The following TLL1 variants were observed in gnomAD, a reference collection of about 807,000 sequenced individuals.
The protein encoded by TLL1 is tolloid-like protein 1.
A neutral mutation model predicts 128.2 loss-of-function variants in TLL1; 49 were observed. The observed-to-expected ratio is 0.38, with a 90% CI of 0.30 to 0.48. TLL1 has a LOEUF of 0.48. TLL1 is among the 20% of genes least tolerant of loss of function. The probability of loss-of-function intolerance (pLI) is 0.96; values close to 1 mark genes in which losing one functional copy is unlikely to be tolerated. For synonymous variants in TLL1, 454 were observed against 418.8 expected, an observed-to-expected ratio of 1.08 and a Z score of -1.03; for missense variants, 1,123 against 1,242.0, an observed-to-expected ratio of 0.90 and a Z score of 1.44.
intron 1 of TLL1, among the ~76,000 whole-genome samples, chr4:165,903,978 T>C (rs1459404941): frequency 6.6e-6 from 1 of 152,162 alleles, no homozygotes; most frequent in Non-Finnish European, 1.5e-5. Context: ...AAATCTCATT[T>C]AGTCTTTTTA....
intron 1 of TLL1, among the ~76,000 whole-genome samples, chr4:165,877,190 A>C (rs893821289): frequency 6.6e-6 from 1 of 152,228 alleles, no homozygotes; most frequent in Non-Finnish European, 1.5e-5. Context: ...AGTTCATGAA[A>C]CTATAGGGTA....
intron 7 of TLL1, among the ~76,000 whole-genome samples, chr4:166,009,857 A>AATTTGGCATCAAATTGTATG (rs1483236955): frequency 6.6e-6 from 1 of 151,330 alleles, no homozygotes; most frequent in Non-Finnish European, 1.5e-5. Flanking sequence ...TACTGTCCTA[A>AATTTGGCATCAAATTGTATG]CCATTTTAGG....
chr4:166,038,198 C>T (rs1739084467), intron 9 of TLL1, among the ~76,000 whole-genome samples: 1 of 151,854 alleles, frequency 6.6e-6, no homozygotes, highest in African/African-American at 2.4e-5. Context: ...TTTTATTTTC[C>T]TTCTTTCTTT....
intron 14 of TLL1, among the ~76,000 whole-genome samples, chr4:166,057,630 T>G (rs1740087846): frequency 6.6e-6 from 1 of 152,108 alleles, no homozygotes; most frequent in African/African-American, 2.4e-5. Flanking sequence ...GACTGGGTAA[T>G]TTGTAATAGA....
intron 1 of TLL1, among the ~76,000 whole-genome samples, chr4:165,974,734 C>T (rs971846110): frequency 2.0e-5 from 3 of 152,116 alleles, no homozygotes; most frequent in African/African-American, 4.8e-5. Flanking sequence ...TATATTATAT[C>T]CCAGAGGCTA....
chr4:165,948,135 C>T (rs1034572876), intron 1 of TLL1, among the ~76,000 whole-genome samples: 6 of 152,104 alleles, frequency 3.9e-5, no homozygotes, highest in African/African-American at 7.2e-5. Flanking sequence ...CTGACCTGTA[C>T]GTGGATACTG....
Position 166,034,282 on chromosome 4 carries a change from A to T in TLL1, c.1159-5057A>T, listed in dbSNP as rs906251350. Among the ~76,000 whole-genome samples the T allele has an allele frequency of 2.6e-5, 4 of 152,174 alleles. No individual in the cohort carries two copies. The East Asian group carries it at 5.8e-4, about 22-fold the overall frequency. ...TAGCATTCAATAAAGATTTTGAGCG[A>T]TATGAAGAATTTCAAGGAACAAGGA... On this transcript the variant is annotated intron_variant, in intron 9 of 20. Transcript: ENST00000061240.
At chr4:165,923,490 A>G (rs1733138594) in intron 1 of TLL1, among the ~76,000 whole-genome samples, 1 of 118,504 alleles carries the variant, frequency 8.4e-6, no homozygotes, top group Admixed American at 1.2e-4. Context: ...GTGCAGTGGT[A>G]CGATCTCGGC....
intron 9 of TLL1, chr4:166,031,034 A>G (rs1299773719): frequency 1.1e-6 from 1 of 897,776 alleles, no homozygotes; most frequent in African/African-American, 1.8e-5. Context: ...AGCACTAAAA[A>G]TTTAATAAGT....
intron 9 of TLL1, among the ~76,000 whole-genome samples, chr4:166,025,855 A>G (rs1349594327): frequency 1.3e-5 from 2 of 152,184 alleles, no homozygotes; most frequent in Non-Finnish European, 2.9e-5. Flanking sequence ...ATGCAAATAG[A>G]GTAGTACTTA....
intron 1 of TLL1, among the ~76,000 whole-genome samples, chr4:165,918,897 AACTGG>A (rs1356985524): frequency 1.7e-4 from 26 of 152,138 alleles, no homozygotes; most frequent in Admixed American, 1.7e-3. Flanking sequence ...AGTGTACCTC[AACTGG>A]ACTAGTCAAA....
chr4:166,004,883 T>G (rs1033151566), intron 6 of TLL1, among the ~76,000 whole-genome samples: 1 of 151,860 alleles, frequency 6.6e-6, no homozygotes, highest in African/African-American at 2.4e-5. Context: ...CAGGAAAAGT[T>G]CAGATTAAAA....
At position 166,101,543 on chromosome 4, in the gene TLL1, TA is replaced by T. The variant is rs1742287118; in HGVS notation, c.*669del. On this transcript the variant is annotated 3_prime_UTR_variant, in exon 21 of 21. Coordinates refer to ENST00000061240, the MANE Select transcript of TLL1 (RefSeq NM_012464.5). ...ATGAGTTTGAAATCTCAATGGTGTC[TA>T]ATTATTGCAGTTAAATTCTAGACAT... 1.3e-5 allele frequency: 2 copies of T among 152,328 alleles called. No homozygotes were observed. Among genetic ancestry groups the T allele is most frequent in the Non-Finnish European group, 2.9e-5 (2 of 68,090 alleles). 9.4% of individuals were successfully genotyped at this position (152,328 alleles called of 1,614,324 possible).
intron 1 of TLL1, among the ~76,000 whole-genome samples, chr4:165,967,226 A>G (rs764208794): frequency 2.6e-5 from 4 of 152,200 alleles, no homozygotes; most frequent in Non-Finnish European, 5.9e-5. Context: ...AATCGCAGCC[A>G]TCTTGTTCCT....
At chr4:166,004,627 A>G (rs1737326673) in intron 6 of TLL1, among the ~76,000 whole-genome samples, 1 of 152,136 alleles carries the variant, frequency 6.6e-6, no homozygotes. Context: ...TTAGAAGTAA[A>G]GCAGAAGTAT....
intron 19 of TLL1, among the ~76,000 whole-genome samples, chr4:166,094,900 G>A (rs1026638781): frequency 6.6e-6 from 1 of 151,962 alleles, no homozygotes; most frequent in African/African-American, 2.4e-5. Context: ...TAAATGTGTG[G>A]GAATTTTTAA....
At chr4:165,989,956 CA>C (rs1424738111) in intron 2 of TLL1, among the ~76,000 whole-genome samples, 1 of 151,496 alleles carries the variant, frequency 6.6e-6, no homozygotes, top group Admixed American at 6.6e-5. Context: ...TATTGAGTTG[CA>C]AAATGTAAAT....
chr4:165,931,514 T>C (rs185902378), intron 1 of TLL1, among the ~76,000 whole-genome samples: 4,895 of 149,364 alleles, frequency 0.033, 88 homozygotes, highest in African/African-American at 0.039. Context: ...GTCAGGAGAT[T>C]GAGACCTCCT....
intron 15 of TLL1, among the ~76,000 whole-genome samples, chr4:166,062,837 A>G (rs1468158589): frequency 6.6e-6 from 1 of 152,130 alleles, no homozygotes; most frequent in Non-Finnish European, 1.5e-5. Context: ...CCCATTCAGT[A>G]TGATATTGGC....
Sources: gnomAD v4.1 joint callset for allele counts (sites outside exome capture counted in the v4.1 genomes callset) on GRCh38, gnomAD v4.1.1 for gene constraint, MANE v1.5 for transcripts, NCBI Gene and HGNC (gene_info 2026-07-23, HGNC 2026-07-21) for gene names.